The following CPS1 variants were observed in gnomAD, a reference collection of about 807,000 sequenced individuals.
CPS1 encodes carbamoyl-phosphate synthase 1, also known as carbamoyl-phosphate synthase [ammonia], mitochondrial.
Under a neutral mutation model 174.6 loss-of-function variants are expected in CPS1, and 109 were observed. The ratio of observed to expected loss-of-function variants is 0.62; its 90% CI spans 0.53 to 0.73. The LOEUF (loss-of-function observed/expected upper bound fraction) is 0.73. Ranked by LOEUF, CPS1 falls within the 30% of genes least tolerant of loss-of-function variation. The pLI is 0.00. For synonymous variants in CPS1, 637 were observed against 632.0 expected, an observed-to-expected ratio of 1.01 and a Z score of -0.12; for missense variants, 1,689 against 1,821.9, an observed-to-expected ratio of 0.93 and a Z score of 1.33.
rs1698865741 is a variant in CPS1, at chr2:210,605,222, G to A, written c.1957G>A (p.Val653Ile). ...TGTCACTGTCTGTAACATGGAAAAT[G>A]TTGATGCCATGGGTGTTCACACAGG... The part of the protein sequence containing the change: ...NCVTVCNMEN[V>I]DAMGVHTGDS... Residue 653 changes from valine to isoleucine, a missense_variant, in exon 17 of 38, where the codon GTT (valine) becomes ATT (isoleucine). By Grantham distance (29) the Val-to-Ile change is conservative. Coordinates refer to ENST00000233072, the MANE Select transcript of CPS1 (RefSeq NM_001875.5). 1 of 1,612,072 alleles carries A rather than the reference G, an allele frequency of 6.2e-7. No homozygotes were observed. The highest frequency in any genetic ancestry group is 1.7e-5 in the Admixed American group (1 of 59,856).
At chr2:210,503,491 T>C (rs1357456468) in intron 1 of CPS1, among the ~76,000 whole-genome samples, 1 of 152,204 alleles carries the variant, frequency 6.6e-6, no homozygotes, top group Non-Finnish European at 1.5e-5. Context: ...CCCTTCTCTG[T>C]GTCTTTCTCT....
Position 210,606,747 on chromosome 2 carries a change from G to T in CPS1, c.1998G>T (p.Val666=), listed in dbSNP as rs1698925866. 1.2e-6 allele frequency: 2 copies of T among 1,612,202 alleles called. No individual in the cohort carries two copies. The highest frequency in any genetic ancestry group is 1.7e-5 in the Admixed American group (1 of 59,794). Reference sequence around the variant, plus strand: ...GATATATAGGTGACTCAGTTGTTGTGGCTCCTGCCCAGACACTCTCCAATG... The same window carrying T: ...GATATATAGGTGACTCAGTTGTTGTTGCTCCTGCCCAGACACTCTCCAATG... ...MGVHTGDSVV[V]APAQTLSNAE... is the part of the protein sequence containing the mutation. The change falls in exon 18 of 38, where the codon GTG becomes GTT. Residue 666 remains valine (V), a synonymous_variant. Transcript: ENST00000233072.
At chr2:210,505,949 C>G (rs369276692) in intron 1 of CPS1, among the ~76,000 whole-genome samples, 3 of 29,918 alleles carry the variant, frequency 1.0e-4, no homozygotes, top group South Asian at 3.5e-3. Context: ...TCTGTAGACT[C>G]CACCTCTGGG....
intron 1 of CPS1, chr2:210,519,470 G>A (rs1017018970): frequency 2.0e-5 from 3 of 152,064 alleles, no homozygotes; most frequent in Non-Finnish European, 4.4e-5. Context: ...CCTAGAAAGT[G>A]ATGCTTAAAG....
chr2:210,596,411 A>C (rs952162100), intron 13 of CPS1, among the ~76,000 whole-genome samples: 5 of 151,896 alleles, frequency 3.3e-5, no homozygotes, highest in Non-Finnish European at 5.9e-5. Flanking sequence ...ATGGCAACAG[A>C]AGACTAGGAC....
At chr2:210,531,696 C>T (rs1299980351) in intron 1 of CPS1, among the ~76,000 whole-genome samples, 1 of 152,042 alleles carries the variant, frequency 6.6e-6, no homozygotes, top group African/African-American at 2.4e-5. Flanking sequence ...TACAATCCAC[C>T]ACCAAAAAAG....
At chr2:210,592,098 A>G (rs937206658) in intron 10 of CPS1, 129 bp downstream of exon 10, 1 of 1,056,992 alleles carries the variant, frequency 9.5e-7, no homozygotes. Context: ...TATCATATGT[A>G]ATGATCAAAT....
chr2:210,508,021 A>G (rs1695338949), intron 1 of CPS1, among the ~76,000 whole-genome samples: 1 of 152,166 alleles, frequency 6.6e-6, no homozygotes, highest in Non-Finnish European at 1.5e-5. Context: ...TTCTGCACCA[A>G]GCAGACCTAA....
At chr2:210,481,772 G>A (rs984679075) in intron 1 of CPS1, among the ~76,000 whole-genome samples, 6 of 152,256 alleles carry the variant, frequency 3.9e-5, no homozygotes, top group African/African-American at 1.4e-4. Context: ...GTGAGTAACT[G>A]TAAGTAGAAT....
At chr2:210,671,660 A>G (rs549977812) in intron 34 of CPS1, 8 of 152,280 alleles carry the variant, frequency 5.3e-5, no homozygotes, top group Admixed American at 3.3e-4. Context: ...ATGTGTCACA[A>G]GTGTTCAATA....
At chr2:210,579,658 A>G (rs1574547750) in intron 4 of CPS1, 56 bp from the exon 5 acceptor site, 1 of 1,396,566 alleles carries the variant, frequency 7.2e-7, no homozygotes, top group East Asian at 2.3e-5. Context: ...CTTGAAAACA[A>G]TATGCTGGAT....
intron 29 of CPS1, among the ~76,000 whole-genome samples, 177 bp downstream of exon 29, chr2:210,654,279 A>G (rs751332049): frequency 4.6e-5 from 7 of 152,196 alleles, no homozygotes; most frequent in Non-Finnish European, 8.8e-5. Flanking sequence ...TGTCATGGGT[A>G]TCATATTTCC....
At chr2:210,609,084 T>A (rs958249407) in intron 19 of CPS1, among the ~76,000 whole-genome samples, 1 of 151,880 alleles carries the variant, frequency 6.6e-6, no homozygotes. Context: ...AATTCTAAAT[T>A]GATATGAGCA....
rs115840686 is a variant in CPS1, at chr2:210,622,270, C to A, written c.2687+5729C>A. Among the ~76,000 whole-genome samples the A allele has an allele frequency of 4.9e-3, 746 of 151,362 alleles. 7 individuals carry two copies. The highest frequency in any genetic ancestry group is 0.017 in the African/African-American group (709 of 41,300). The stretch of plus-strand genomic sequence containing the variant: ...TATAATATATTTATATTTGTGTATA[C>A]CATAGATGACTGCTTAAAAATAATA... On this transcript the variant is annotated intron_variant, in intron 21 of 37. Coordinates refer to ENST00000233072, the MANE Select transcript of CPS1 (RefSeq NM_001875.5).
At chr2:210,512,736 TTATATATATATATA>T (rs71043996) in intron 1 of CPS1, among the ~76,000 whole-genome samples, 518 of 46,730 alleles carry the variant, frequency 0.011, 17 homozygotes, top group Admixed American at 0.037. Context: ...TCCAGTAGTT[TTATATATATATATA>T]TATATATATA....
intron 1 of CPS1, among the ~76,000 whole-genome samples, chr2:210,564,174 T>C (rs537677490): frequency 6.6e-6 from 1 of 152,168 alleles, no homozygotes; most frequent in Non-Finnish European, 1.5e-5. Flanking sequence ...ATTAGAACAT[T>C]GAAATATTGT....
Position 210,678,087 on chromosome 2 carries a change from C to G in CPS1, c.*102C>G. On this transcript the variant is annotated 3_prime_UTR_variant, in exon 38 of 38. Transcript: ENST00000233072. ...TCAGAGATGAATATTGATAACTAAA[C>G]TTCATTTCAGTTTACTTTGTTATGC... 1 of 912,626 alleles carries G rather than the reference C, an allele frequency of 1.1e-6. No homozygotes were observed. Among genetic ancestry groups the G allele is most frequent in the Non-Finnish European group, 1.8e-6 (1 of 540,560 alleles). 56.5% of individuals were successfully genotyped at this position (912,626 alleles called of 1,614,324 possible).
chr2:210,579,218 T>G (rs766196388), intron 4 of CPS1, among the ~76,000 whole-genome samples: 10 of 152,166 alleles, frequency 6.6e-5, no homozygotes, highest in Non-Finnish European at 1.3e-4. Flanking sequence ...ACCACATGTG[T>G]CTCTATCCAA....
chr2:210,533,054 C>T (rs1004515186), intron 1 of CPS1, among the ~76,000 whole-genome samples: 1 of 151,830 alleles, frequency 6.6e-6, no homozygotes, highest in East Asian at 1.9e-4. Context: ...CAACGGTGAG[C>T]GGGGAGGGAA....
Sources: gnomAD v4.1 joint callset for allele counts (sites outside exome capture counted in the v4.1 genomes callset) on GRCh38, gnomAD v4.1.1 for gene constraint, MANE v1.5 for transcripts, NCBI Gene and HGNC (gene_info 2026-07-23, HGNC 2026-07-21) for gene names.